Variants in CSMD1 observed in about 807,000 individuals in gnomAD.
CSMD1 encodes CUB and sushi domain-containing protein 1.
CSMD1 carries 213 observed loss-of-function variants against 417.5 expected under a neutral mutation model. The ratio of observed to expected loss-of-function variants is 0.51; its 90% CI spans 0.46 to 0.57. The LOEUF (loss-of-function observed/expected upper bound fraction) is 0.57, where lower values mean the gene tolerates loss of function less well. Among genes scored for constraint, CSMD1 ranks in the 20% least tolerant of loss-of-function variants. The pLI is 0.00. For missense variants in CSMD1, 6,923 were observed against 4,529.7 expected (o/e 1.53, Z -15.17); for synonymous variants, 2,862 against 1,736.8 (o/e 1.65, Z -16.11).
chr8:3,512,577 C>T (rs938901969), intron 10 of CSMD1, among the ~76,000 whole-genome samples: 7 of 151,074 alleles, frequency 4.6e-5, no homozygotes, highest in East Asian at 2.0e-4. Context: ...CCCTCTCCTC[C>T]AGGAGCTTAC....
chr8:4,090,728 T>C (rs1448808394), intron 3 of CSMD1, among the ~76,000 whole-genome samples: 2 of 152,184 alleles, frequency 1.3e-5, no homozygotes, highest in Admixed American at 6.5e-5. Context: ...CAATTTTACT[T>C]AAACATTAAA....
At chr8:4,275,628 T>A (rs935435632) in intron 3 of CSMD1, among the ~76,000 whole-genome samples, 1 of 152,182 alleles carries the variant, frequency 6.6e-6, no homozygotes, top group East Asian at 1.9e-4. Flanking sequence ...CAAAAATTCA[T>A]GTGCACATCT....
intron 26 of CSMD1, among the ~76,000 whole-genome samples, chr8:3,253,025 A>G (rs925090982): frequency 6.6e-6 from 1 of 151,758 alleles, no homozygotes; most frequent in African/African-American, 2.4e-5. Flanking sequence ...TCCTGGATTC[A>G]TTGATTTTTT....
At chr8:4,431,324 T>C (rs184783703) in intron 2 of CSMD1, among the ~76,000 whole-genome samples, 31 of 152,302 alleles carry the variant, frequency 2.0e-4, no homozygotes, top group African/African-American at 7.2e-4. Flanking sequence ...CGTGATTTTC[T>C]TAAGGGTGAA....
chr8:3,797,343 C>T (rs1376669858), intron 5 of CSMD1, among the ~76,000 whole-genome samples: 1 of 151,888 alleles, frequency 6.6e-6, no homozygotes, highest in Non-Finnish European at 1.5e-5. Flanking sequence ...ACAAACTGTT[C>T]ACTGTCACAA....
chr8:4,782,840 C>G (rs986265219), intron 1 of CSMD1, among the ~76,000 whole-genome samples: 1 of 151,878 alleles, frequency 6.6e-6, no homozygotes, highest in African/African-American at 2.4e-5. Flanking sequence ...GAAAGCACAA[C>G]TCAAGCTATT....
intron 2 of CSMD1, among the ~76,000 whole-genome samples, chr8:4,449,221 A>T (rs906165891): frequency 3.9e-5 from 6 of 152,204 alleles, no homozygotes; most frequent in Non-Finnish European, 7.3e-5. Flanking sequence ...ATTTTCTCAG[A>T]ATAATTACAC....
chr8:4,413,584 C>T (rs773712320), intron 3 of CSMD1, among the ~76,000 whole-genome samples: 16 of 150,674 alleles, frequency 1.1e-4, no homozygotes, highest in South Asian at 6.3e-4. Context: ...ATAGCAAGAA[C>T]GCTTATTATG....
chr8:4,829,062 C>A (rs1490960491), intron 1 of CSMD1, among the ~76,000 whole-genome samples: 1 of 152,074 alleles, frequency 6.6e-6, no homozygotes, highest in Non-Finnish European at 1.5e-5. Flanking sequence ...TAATAGGTTA[C>A]CTTTCTCCAC....
intron 2 of CSMD1, among the ~76,000 whole-genome samples, chr8:4,506,216 A>T (rs1016593365): frequency 3.3e-5 from 5 of 152,164 alleles, no homozygotes; most frequent in Admixed American, 1.3e-4. Flanking sequence ...CTTTTACACC[A>T]ACCTAATAGA....
In CSMD1 at chr8:4,853,046, G is replaced by C. The variant is rs568826405; in HGVS notation, c.85+141286C>G. Among the ~76,000 whole-genome samples the C allele has an allele frequency of 2.7e-4, 41 of 152,272 alleles. 1 individual carries two copies. The South Asian group carries it at 5.8e-3, about 22-fold the overall frequency. On this transcript the variant is annotated intron_variant, in intron 1 of 69. Coordinates refer to ENST00000635120, the MANE Select transcript of CSMD1 (RefSeq NM_033225.6). ...TTAAAGTTGGTACTTATATTTAAAA[G>C]GGAAGCAGAGCATAAACATTTGGAA...
intron 30 of CSMD1, among the ~76,000 whole-genome samples, chr8:3,211,535 C>A (rs765408397): frequency 6.6e-6 from 1 of 152,160 alleles, no homozygotes. Context: ...GTTTTGGAAA[C>A]CAGTTACATA....
At chr8:3,428,978 C>T (rs1298909140) in intron 12 of CSMD1, among the ~76,000 whole-genome samples, 2 of 152,136 alleles carry the variant, frequency 1.3e-5, no homozygotes, top group East Asian at 1.9e-4. Context: ...TACGGAGAAC[C>T]TCAGAAAACT....
intron 3 of CSMD1, among the ~76,000 whole-genome samples, chr8:4,142,080 T>C (rs947832180): frequency 4.8e-5 from 7 of 146,612 alleles, no homozygotes; most frequent in African/African-American, 1.5e-4. Flanking sequence ...AATAACTCCA[T>C]ACTGGAACAT....
intron 1 of CSMD1, among the ~76,000 whole-genome samples, chr8:4,887,816 A>C (rs1803855822): frequency 6.6e-6 from 1 of 151,780 alleles, no homozygotes; most frequent in African/African-American, 2.4e-5. Flanking sequence ...TTTTGTTTTA[A>C]AGTCTTTTTT....
In CSMD1 at chr8:3,783,319, C is replaced by G. The variant is rs527450332; in HGVS notation, c.819-29277G>C. Among the ~76,000 whole-genome samples, 14 of 152,322 alleles carry G rather than the reference C, an allele frequency of 9.2e-5. No homozygotes were observed. The East Asian group carries it at 2.7e-3, about 29-fold the overall frequency. On this transcript the variant is annotated intron_variant, in intron 5 of 69. Coordinates refer to ENST00000635120, the MANE Select transcript of CSMD1 (RefSeq NM_033225.6). ...ACTGGGATGGATGGGAAACACAGTG[C>G]AGATGGCAGGTTTTTCAAGTCCGTA...
chr8:3,304,492 T>G lies in CSMD1; in HGVS notation c.3950+3203A>C, dbSNP rs188387516. Among the ~76,000 whole-genome samples, 207 of 152,290 alleles carry G rather than the reference T, an allele frequency of 1.4e-3. 1 individual carries two copies. Among genetic ancestry groups the G allele is most frequent in the African/African-American group, 4.8e-3 (199 of 41,576 alleles). ...TTATTCATGAAGAGTGGTTCAATCA[T>G]CAAAAACATTTTGGGATTAAGTTGA... is the stretch of plus-strand genomic sequence containing the variant. On this transcript the variant is annotated intron_variant, in intron 25 of 69. Transcript: ENST00000635120.
chr8:3,267,417 G>A (rs1036405790), intron 26 of CSMD1, among the ~76,000 whole-genome samples: 3 of 152,220 alleles, frequency 2.0e-5, no homozygotes, highest in African/African-American at 7.2e-5. Flanking sequence ...TGCAACAATA[G>A]ATGATGGCAG....
At chr8:4,577,148 G>T (rs562092392) in intron 2 of CSMD1, among the ~76,000 whole-genome samples, 144 of 151,462 alleles carry the variant, frequency 9.5e-4, no homozygotes, top group Non-Finnish European at 1.3e-3. Flanking sequence ...GTTTCCTTGG[G>T]TTTTTTTTGC....
Sources: allele counts gnomAD v4.1 joint callset (sites outside exome capture counted in the v4.1 genomes callset), GRCh38; gene constraint gnomAD v4.1.1; transcripts MANE v1.5; gene names NCBI Gene and HGNC (gene_info 2026-07-23, HGNC 2026-07-21).